Variants in RTN4RL1 observed in about 807,000 individuals in gnomAD.
RTN4RL1 encodes the protein reticulon-4 receptor-like 1.
RTN4RL1 carries 7 observed loss-of-function variants against 25.6 expected under a neutral mutation model. That is an observed-to-expected ratio of 0.27 (90% CI 0.16 to 0.51). The LOEUF (loss-of-function observed/expected upper bound fraction) is 0.51, where lower values mean the gene tolerates loss of function less well. RTN4RL1 is among the 20% of genes least tolerant of loss of function. The pLI is 0.97. For synonymous variants in RTN4RL1, 297 were observed against 288.2 expected (o/e 1.03, Z -0.31); for missense variants, 500 against 615.6 (o/e 0.81, Z 1.99).
chr17:2,016,147 G>A lies in RTN4RL1; in HGVS notation c.13+8706C>T, dbSNP rs1442529749. Among the ~76,000 whole-genome samples the A allele has an allele frequency of 3.3e-5, 5 of 152,312 alleles. No homozygotes were observed. The East Asian group carries it at 5.8e-4, about 18-fold the overall frequency. ...TGTAATCCCAGCACTTTGGGAGGCC[G>A]AGTTGGGAGGATCACCTGAGGTTAG... is the stretch of plus-strand genomic sequence containing the variant. On this transcript the variant is annotated intron_variant, in intron 1 of 1. Transcript: ENST00000331238.
intron 1 of RTN4RL1, among the ~76,000 whole-genome samples, chr17:2,012,792 T>C (rs1328620383): frequency 1.5e-5 from 2 of 133,220 alleles, no homozygotes; most frequent in Admixed American, 1.6e-4. Flanking sequence ...GTTCTTCTTC[T>C]TCTTCTTTTT....
intron 1 of RTN4RL1, among the ~76,000 whole-genome samples, chr17:1,986,047 C>A (rs974224759): frequency 6.6e-6 from 1 of 152,018 alleles, no homozygotes; most frequent in Non-Finnish European, 1.5e-5. Flanking sequence ...TCTGTCTCCA[C>A]CAAGACACGA....
chr17:1,941,218 T>C (rs1429683943), intron 1 of RTN4RL1, among the ~76,000 whole-genome samples: 2 of 152,094 alleles, frequency 1.3e-5, no homozygotes, highest in African/African-American at 2.4e-5. Context: ...CGGAGAGACA[T>C]TTCCCCGTCA....
At chr17:2,011,977 C>T (rs573475684) in intron 1 of RTN4RL1, among the ~76,000 whole-genome samples, 32 of 152,278 alleles carry the variant, frequency 2.1e-4, no homozygotes, top group African/African-American at 7.2e-4. Flanking sequence ...GGAGCCCTCC[C>T]TGGGAGGAGA....
Position 2,025,001 on chromosome 17 carries a change from C to G in RTN4RL1, c.-136G>C, listed in dbSNP as rs980534845. The G allele has an allele frequency of 5.2e-5, 48 of 921,896 alleles. No homozygotes were observed. The highest frequency in any genetic ancestry group is 7.5e-5 in the Non-Finnish European group (47 of 626,014). 57.1% of individuals were successfully genotyped at this position (921,896 alleles called of 1,614,324 possible). A position where few individuals can be genotyped will look rare whatever the true frequency, so the allele number is the denominator to read the frequency against. On this transcript the variant is annotated 5_prime_UTR_variant, in exon 1 of 2. Transcript: ENST00000331238. This position sits in a 1 kb window ranked among gnomAD's most constrained non-coding sequence, Gnocchi z 4.8. ...GGCAAGCCGGGGATCCGCTCGTGCC[C>G]GGTGGCCCGGCCCCGCAGGGGCATG...
chr17:1,983,919 G>A (rs1022087903), intron 1 of RTN4RL1, among the ~76,000 whole-genome samples: 27 of 152,144 alleles, frequency 1.8e-4, no homozygotes, highest in African/African-American at 6.5e-4. Context: ...AATCCGGATC[G>A]GAACCCTGCT....
intron 1 of RTN4RL1, among the ~76,000 whole-genome samples, chr17:1,974,131 T>TAAAAAA (rs1389460588): frequency 2.0e-5 from 3 of 147,680 alleles, no homozygotes; most frequent in African/African-American, 7.5e-5. Flanking sequence ...TGTTTAATAA[T>TAAAAAA]AAAACTTTCC....
chr17:1,951,806 C>T (rs1048368228), intron 1 of RTN4RL1, among the ~76,000 whole-genome samples: 3 of 152,152 alleles, frequency 2.0e-5, no homozygotes, highest in African/African-American at 7.2e-5. Context: ...TGAGGACTGC[C>T]GAAGACTAAC....
intron 1 of RTN4RL1, among the ~76,000 whole-genome samples, chr17:1,941,208 C>T (rs147017905): frequency 2.0e-5 from 3 of 152,274 alleles, no homozygotes; most frequent in South Asian, 2.1e-4. Context: ...GCGGGTCCCA[C>T]GGAGAGACAT....
chr17:1,964,668 C>G (rs9674728), intron 1 of RTN4RL1, among the ~76,000 whole-genome samples: 1 of 150,414 alleles, frequency 6.6e-6, no homozygotes, highest in East Asian at 2.0e-4. Flanking sequence ...GGAGGCGGAG[C>G]TTGCAGTGAG....
intron 1 of RTN4RL1, chr17:2,017,703 A>ACACACACG (rs959487129): frequency 1.3e-4 from 16 of 125,554 alleles, no homozygotes; most frequent in African/African-American, 4.4e-4. Flanking sequence ...ACACACACAC[A>ACACACACG]CACGCACACA....
rs542918592 is a variant in RTN4RL1, at chr17:1,940,555, G to A, written c.14-2747C>T. ...CCATCTGCCCAAGGAGACCCAGCCT[G>A]CAGGGGGAGGCAGGGGTGTGTTGGG... On this transcript the variant is annotated intron_variant, in intron 1 of 1. Coordinates refer to ENST00000331238, the MANE Select transcript of RTN4RL1 (RefSeq NM_178568.4). Among the ~76,000 whole-genome samples, 5 of 152,280 alleles carry A rather than the reference G, an allele frequency of 3.3e-5. No individual in the cohort carries two copies. The South Asian group carries it at 1.0e-3, about 32-fold the overall frequency.
At chr17:1,999,683 CACACACACGCACAG>C (rs2066948034) in intron 1 of RTN4RL1, among the ~76,000 whole-genome samples, 1 of 138,726 alleles carries the variant, frequency 7.2e-6, no homozygotes, top group Non-Finnish European at 1.6e-5. Flanking sequence ...GCCCCCCCCA[CACACACACGCACAG>C]GCACACACAC....
At chr17:1,961,374 G>C (rs1915890664) in intron 1 of RTN4RL1, among the ~76,000 whole-genome samples, 2 of 152,196 alleles carry the variant, frequency 1.3e-5, no homozygotes, top group African/African-American at 2.4e-5. Context: ...ATGGGCGGAG[G>C]CCTGGAGGCG....
chr17:1,957,874 G>GAACAAACGAACA (rs1915822512), intron 1 of RTN4RL1, among the ~76,000 whole-genome samples: 1 of 148,384 alleles, frequency 6.7e-6, no homozygotes, highest in African/African-American at 2.5e-5. Flanking sequence ...ACAAACAAAC[G>GAACAAACGAACA]AACAAACAAA....
chr17:2,001,171 G>A (rs528812600), intron 1 of RTN4RL1, among the ~76,000 whole-genome samples: 9 of 151,548 alleles, frequency 5.9e-5, no homozygotes, highest in African/African-American at 2.2e-4. Context: ...ACAGGTGTGA[G>A]CCACCACGCC....
At chr17:1,958,182 T>G (rs983131808) in intron 1 of RTN4RL1, among the ~76,000 whole-genome samples, 1 of 152,162 alleles carries the variant, frequency 6.6e-6, no homozygotes, top group Non-Finnish European at 1.5e-5. Context: ...AAAGTGAGAT[T>G]GTGTCTCAAA....
chr17:1,985,892 C>T (rs912529170), intron 1 of RTN4RL1, among the ~76,000 whole-genome samples: 3 of 152,062 alleles, frequency 2.0e-5, no homozygotes, highest in African/African-American at 7.2e-5. Context: ...CCTCCAGAGC[C>T]AGGGTGAGAG....
intron 1 of RTN4RL1, among the ~76,000 whole-genome samples, chr17:2,009,592 A>G (rs1366609221): frequency 9.6e-6 from 1 of 104,548 alleles, no homozygotes; most frequent in Non-Finnish European, 1.9e-5. Context: ...ACTCCGTCTC[A>G]AAAAAAAAAA....
Sources: allele counts gnomAD v4.1 joint callset (sites outside exome capture counted in the v4.1 genomes callset), GRCh38; gene constraint gnomAD v4.1.1; non-coding constraint Gnocchi (gnomAD v3.1); transcripts MANE v1.5; gene names NCBI Gene and HGNC (gene_info 2026-07-23, HGNC 2026-07-21).